Variants in BTNL8 observed in about 807,000 individuals in gnomAD.
BTNL8 encodes butyrophilin like 8, also known as butyrophilin-like protein 8.
BTNL8 carries 22 observed loss-of-function variants against 36.1 expected under a neutral mutation model. The observed-to-expected ratio is 0.61, with a 90% CI of 0.44 to 0.87. The LOEUF (loss-of-function observed/expected upper bound fraction) is 0.87. BTNL8 is among the 40% of genes least tolerant of loss of function. The probability of loss-of-function intolerance (pLI) is 0.00; values close to 1 mark genes in which losing one functional copy is unlikely to be tolerated. For missense variants in BTNL8, 526 were observed against 616.9 expected (o/e 0.85, Z 1.56); for synonymous variants, 203 against 235.6 (o/e 0.86, Z 1.27).
rs144756085 is a variant in BTNL8 at position 180,947,584 on chromosome 5, T to C, written c.746T>C (p.Phe249Ser). 3.7e-6 allele frequency: 6 copies of C among 1,614,092 alleles called. No individual in the cohort carries two copies. The African/African-American group carries it at 5.3e-5, about 14-fold the overall frequency. ...GGAATACTCTGCTGTGGCCTATTTT[T>C]TGGCATTGTTGGACTGAAGATTTTC... Reference protein sequence around the residue: ...VLGILCCGLFFGIVGLKIFFS... With the variant: ...VLGILCCGLFSGIVGLKIFFS... The change falls in exon 4 of 8, where the codon TTT becomes TCT. Residue 249 changes from phenylalanine (F) to serine (S), a missense_variant. Phe to Ser is a radical substitution (Grantham distance 155). Coordinates refer to ENST00000340184, the MANE Select transcript of BTNL8 (RefSeq NM_001040462.3).
intron 1 of BTNL8, among the ~76,000 whole-genome samples, chr5:180,902,149 TG>T (rs1446714679): frequency 6.6e-6 from 1 of 151,732 alleles, no homozygotes; most frequent in Non-Finnish European, 1.5e-5. Flanking sequence ...ACGTCAACTT[TG>T]GTTTTCAGCA....
In BTNL8 at chr5:180,949,273, C is replaced by T. The variant is rs147237682; in HGVS notation, c.862+8C>T. The T allele has an allele frequency of 1.9e-3, 2,762 of 1,461,090 alleles. 381 individuals carry two copies. In the African/African-American group the frequency reaches 0.031, roughly 16 times the overall value. 90.5% of individuals were successfully genotyped at this position (1,461,090 alleles called of 1,614,324 possible). A position where few individuals can be genotyped will look rare whatever the true frequency, so the allele number is the denominator to read the frequency against. ...ACGCCCGGAAACACGCAGGTACCAA[C>T]GCCTGAGAGGGTGACAGTGGGACAG... On this transcript the variant is annotated splice_region_variant and intron_variant, in intron 7 of 7. Coordinates refer to ENST00000340184, the MANE Select transcript of BTNL8 (RefSeq NM_001040462.3).
chr5:180,948,471 C>T, intron 5 of BTNL8, 96 bp downstream of exon 5: 5 of 1,607,142 alleles, frequency 3.1e-6, no homozygotes, highest in Non-Finnish European at 4.3e-6. Context: ...TGGCTGCAGG[C>T]TGGACAGGAA....
intron 1 of BTNL8, among the ~76,000 whole-genome samples, chr5:180,908,209 C>T (rs1187157686): frequency 2.6e-5 from 4 of 152,240 alleles, no homozygotes; most frequent in Admixed American, 2.0e-4. Context: ...GATATAATCT[C>T]GTGGTGCGCC....
intron 3 of BTNL8, among the ~76,000 whole-genome samples, chr5:180,931,730 G>C (rs575713270): frequency 6.6e-6 from 1 of 152,302 alleles, no homozygotes; most frequent in African/African-American, 2.4e-5. Flanking sequence ...CTGGTCATTA[G>C]AGAAATGCAA....
At chr5:180,910,880 G>A (rs1458992527) in intron 2 of BTNL8, among the ~76,000 whole-genome samples, 2 of 152,194 alleles carry the variant, frequency 1.3e-5, no homozygotes, top group African/African-American at 4.8e-5. Flanking sequence ...CACGTGTGAT[G>A]ATCCATCTGC....
chr5:180,926,347 T>C (rs1001680038), intron 3 of BTNL8, among the ~76,000 whole-genome samples: 2 of 152,198 alleles, frequency 1.3e-5, no homozygotes, highest in Admixed American at 1.3e-4. Flanking sequence ...GAAGATTCCC[T>C]TGGGTGCCTA....
chr5:180,950,319 G>A lies in BTNL8; in HGVS notation c.1278G>A (p.Gln426=). Residue 426 remains glutamine (Q), a synonymous_variant, in exon 8 of 8, where the codon CAG becomes CAA. Coordinates refer to ENST00000340184, the MANE Select transcript of BTNL8 (RefSeq NM_001040462.3). ...TCTCCTTCTTCAACATAAATGACCAGTCCCTTATTTATACCCTGACATGTC... is the reference window on the plus strand; with the variant it reads ...TCTCCTTCTTCAACATAAATGACCAATCCCTTATTTATACCCTGACATGTC... ...GTISFFNIND[Q]SLIYTLTCRF... is the part of the protein sequence containing the mutation. 6.8e-7 allele frequency: 1 copy of A among 1,463,540 alleles called. No individual in the cohort carries two copies. Among genetic ancestry groups the A allele is most frequent in the Non-Finnish European group, 9.4e-7 (1 of 1,059,086 alleles). 90.7% of individuals were successfully genotyped at this position (1,463,540 alleles called of 1,614,324 possible). A position where few individuals can be genotyped will look rare whatever the true frequency, so the allele number is the denominator to read the frequency against.
At chr5:180,942,360 C>T (rs6601156) in intron 3 of BTNL8, among the ~76,000 whole-genome samples, 76,176 of 151,920 alleles carry the variant, frequency 0.5, 20,694 homozygotes, top group African/African-American at 0.72. Flanking sequence ...AAAATGACCA[C>T]ACTACCCAAA....
chr5:180,902,516 G>C (rs932682220), intron 1 of BTNL8: 4 of 1,059,966 alleles, frequency 3.8e-6, no homozygotes, highest in East Asian at 2.6e-5. Context: ...CACTATAAAG[G>C]GTTTTTTTTT....
intron 3 of BTNL8, among the ~76,000 whole-genome samples, chr5:180,925,205 T>A (rs1215483184): frequency 2.6e-5 from 4 of 152,126 alleles, no homozygotes; most frequent in Admixed American, 1.3e-4. Context: ...CAGAAGGAGA[T>A]GAGAGAGAAC....
intron 3 of BTNL8, among the ~76,000 whole-genome samples, chr5:180,943,175 C>G (rs1481470455): frequency 1.4e-5 from 2 of 143,232 alleles, no homozygotes; most frequent in Non-Finnish European, 3.0e-5. Flanking sequence ...CGCTCTGTCG[C>G]CCAGACTGCA....
intron 3 of BTNL8, among the ~76,000 whole-genome samples, chr5:180,918,246 GCCAA>G (rs1757731422): frequency 6.6e-6 from 1 of 151,834 alleles, no homozygotes; most frequent in Non-Finnish European, 1.5e-5. Flanking sequence ...ACAAATATTA[GCCAA>G]CCAAATTCAT....
chr5:180,909,886 A>G (rs913406270), intron 2 of BTNL8: 3 of 152,230 alleles, frequency 2.0e-5, no homozygotes, highest in African/African-American at 7.2e-5. Flanking sequence ...TGTCACTACA[A>G]TTGGCATACG....
intron 3 of BTNL8, among the ~76,000 whole-genome samples, chr5:180,946,947 T>C (rs566517442): frequency 1.5e-4 from 23 of 152,294 alleles, no homozygotes; most frequent in Admixed American, 7.2e-4. Flanking sequence ...AAGATGCAAA[T>C]ATTTTAAGAC....
intron 3 of BTNL8, among the ~76,000 whole-genome samples, chr5:180,922,445 AT>A (rs1757909725): frequency 6.6e-6 from 1 of 151,382 alleles, no homozygotes; most frequent in African/African-American, 2.4e-5. Flanking sequence ...TAATTTCATT[AT>A]TTACCCAAAA....
intron 3 of BTNL8, among the ~76,000 whole-genome samples, chr5:180,928,269 C>T (rs1467586988): frequency 1.3e-5 from 2 of 152,088 alleles, no homozygotes; most frequent in South Asian, 2.1e-4. Context: ...AAATCCTTTA[C>T]AGAAAAGCAA....
Position 180,908,726 on chromosome 5 carries a change from G to T in BTNL8, c.190G>T (p.Val64Phe). 6.2e-7 allele frequency: 1 copy of T among 1,614,174 alleles called. No individual in the cohort carries two copies. The highest frequency in any genetic ancestry group is 8.5e-7 in the Non-Finnish European group (1 of 1,180,032). Residue 64 changes from valine (V) to phenylalanine (F), a missense_variant, in exon 2 of 8, where the codon GTC (valine) becomes TTC (phenylalanine). Coordinates refer to ENST00000340184, the MANE Select transcript of BTNL8 (RefSeq NM_001040462.3). Reference sequence around the variant, plus strand: ...CTTCAGGGGCCAGTTCTCTAGCGTGGTCCACCTCTACAGGGACGGGAAGGA... The same window carrying T: ...CTTCAGGGGCCAGTTCTCTAGCGTGTTCCACCTCTACAGGGACGGGAAGGA... ...RFFRGQFSSV[V>F]HLYRDGKDQP...
At chr5:180,900,891 C>T (rs1218740648) in intron 1 of BTNL8, among the ~76,000 whole-genome samples, 4 of 152,218 alleles carry the variant, frequency 2.6e-5, no homozygotes, top group Admixed American at 2.0e-4. Context: ...TGAGATGTGC[C>T]GCCCAGGACT....
Sources: gnomAD v4.1 joint callset for allele counts (sites outside exome capture counted in the v4.1 genomes callset) on GRCh38, gnomAD v4.1.1 for gene constraint, MANE v1.5 for transcripts, NCBI Gene and HGNC (gene_info 2026-07-23, HGNC 2026-07-21) for gene names.